Variants in SMAP2 observed in about 807,000 individuals in gnomAD.
SMAP2 encodes the protein small ArfGAP2, also known as stromal membrane-associated protein 2.
A neutral mutation model predicts 56.4 loss-of-function variants in SMAP2; 25 were observed. The ratio of observed to expected loss-of-function variants is 0.44; its 90% CI spans 0.32 to 0.62. SMAP2 has a LOEUF of 0.62. Among genes scored for constraint, SMAP2 ranks in the 20% least tolerant of loss-of-function variants. The pLI is 0.04. For missense variants in SMAP2, 388 were observed against 545.6 expected (o/e 0.71, Z 2.88); for synonymous variants, 157 against 181.7 (o/e 0.86, Z 1.09).
chr1:40,374,658 A>AGGAGGGAAGTGAGATGGCG lies in SMAP2; in HGVS notation c.103+437_103+455dup, dbSNP rs1377507639. ...GAGAGAGAGAATGACGAGGAGGAGG[A>AGGAGGGAAGTGAGATGGCG]GGAGGGAAGTGAGATGGCGGAAAGG... On this transcript the variant is annotated intron_variant, in intron 1 of 9. Coordinates refer to ENST00000372718, the MANE Select transcript of SMAP2 (RefSeq NM_022733.3). The surrounding 1 kb of genome is among the most constrained non-coding windows in gnomAD (Gnocchi z 5.9). 4 of 1,543,556 alleles carry AGGAGGGAAGTGAGATGGCG rather than the reference A, an allele frequency of 2.6e-6. No homozygotes were observed. The South Asian group carries it at 4.8e-5, about 18-fold the overall frequency.
At chr1:40,384,762 T>TA (rs1167931076) in intron 1 of SMAP2, among the ~76,000 whole-genome samples, 1 of 152,210 alleles carries the variant, frequency 6.6e-6, no homozygotes, top group African/African-American at 2.4e-5. Context: ...TGGCAGGTGT[T>TA]ACTATAATTC....
intron 4 of SMAP2, among the ~76,000 whole-genome samples, chr1:40,412,099 C>A (rs1166905995): frequency 1.3e-5 from 2 of 152,166 alleles, no homozygotes; most frequent in Non-Finnish European, 2.9e-5. Context: ...CATTTCCCTT[C>A]TGTGGCATAA....
At chr1:40,350,375 C>T (rs1168664614) in intron 1 of SMAP2, among the ~76,000 whole-genome samples, 3 of 152,076 alleles carry the variant, frequency 2.0e-5, no homozygotes, top group South Asian at 2.1e-4. Flanking sequence ...AAAGCGTGCA[C>T]GAGGAAGAGT....
At chr1:40,372,151 G>C (rs182069544), upstream of SMAP2, among the ~76,000 whole-genome samples, 4 of 152,322 alleles carry the variant, frequency 2.6e-5, no homozygotes, top group Admixed American at 1.3e-4. Flanking sequence ...TAGAGAGCAC[G>C]GTGAAGGATT....
At chr1:40,412,325 G>T (rs1186734972) in intron 4 of SMAP2, among the ~76,000 whole-genome samples, 1 of 152,044 alleles carries the variant, frequency 6.6e-6, no homozygotes, top group East Asian at 1.9e-4. Flanking sequence ...TAAGAGTACT[G>T]GTTTCACTTC....
At chr1:40,420,864 A>G (rs1168773256) in intron 9 of SMAP2, among the ~76,000 whole-genome samples, 2 of 152,214 alleles carry the variant, frequency 1.3e-5, no homozygotes, top group Non-Finnish European at 2.9e-5. Context: ...TGTTAGGGAA[A>G]CTGGTCTAGC....
At chr1:40,382,226 C>G (rs1324439787) in intron 1 of SMAP2, among the ~76,000 whole-genome samples, 1 of 152,104 alleles carries the variant, frequency 6.6e-6, no homozygotes, top group Admixed American at 6.5e-5. Flanking sequence ...TTGTCTGTTT[C>G]TGTTCTTCTG....
intron 1 of SMAP2, chr1:40,393,456 GT>G (rs1557835647): frequency 6.5e-7 from 1 of 1,530,766 alleles, no homozygotes; most frequent in Non-Finnish European, 8.7e-7. Context: ...ACAAAAAGAT[GT>G]TTTGCAAATA....
intron 7 of SMAP2, 148 bp downstream of exon 7, chr1:40,415,529 C>T: frequency 1.5e-6 from 1 of 672,082 alleles, no homozygotes. Flanking sequence ...TGTGTCATTT[C>T]TGTCACAGTC....
chr1:40,353,817 C>G (rs1454072061), intron 1 of SMAP2, among the ~76,000 whole-genome samples: 1 of 151,892 alleles, frequency 6.6e-6, no homozygotes, highest in Non-Finnish European at 1.5e-5. Context: ...TCTTGAACAT[C>G]TGACCTCAAG....
chr1:40,411,385 G>C (rs961865495), intron 4 of SMAP2, among the ~76,000 whole-genome samples: 2 of 152,324 alleles, frequency 1.3e-5, no homozygotes, highest in South Asian at 2.1e-4. Context: ...TATGAACTCA[G>C]ATGAGGTCAG....
chr1:40,412,909 G>C, intron 4 of SMAP2, 107 bp from the exon 5 acceptor site: 1 of 795,208 alleles, frequency 1.3e-6, no homozygotes. Context: ...ACTTACGTCA[G>C]AATCAATAGG....
intron 2 of SMAP2, among the ~76,000 whole-genome samples, chr1:40,407,430 C>T (rs1362084527): frequency 6.6e-6 from 1 of 151,902 alleles, no homozygotes; most frequent in Non-Finnish European, 1.5e-5. Flanking sequence ...GTTGAAGCTG[C>T]GGTTAGTCAT....
intron 4 of SMAP2, among the ~76,000 whole-genome samples, chr1:40,411,768 G>A (rs543342646): frequency 9.2e-5 from 14 of 151,562 alleles, no homozygotes; most frequent in East Asian, 3.9e-4. Context: ...ATGAAATGTC[G>A]TGTTAAAGAC....
chr1:40,358,690 A>T (rs1295553868), intron 1 of SMAP2, among the ~76,000 whole-genome samples: 1 of 152,234 alleles, frequency 6.6e-6, no homozygotes, highest in Non-Finnish European at 1.5e-5. Flanking sequence ...GGAGAAGAAT[A>T]TGTATTCCGC....
At chr1:40,402,472 G>T (rs564042507) in intron 1 of SMAP2, among the ~76,000 whole-genome samples, 1 of 151,154 alleles carries the variant, frequency 6.6e-6, no homozygotes, top group African/African-American at 2.4e-5. Flanking sequence ...TTTTTTTTGA[G>T]ACAAGGTCTC....
intron 6 of SMAP2, among the ~76,000 whole-genome samples, chr1:40,414,460 A>G (rs186061849): frequency 1.4e-4 from 22 of 152,342 alleles, no homozygotes; most frequent in African/African-American, 4.6e-4. Flanking sequence ...GGTTAAGAGC[A>G]TGGCCTTTGG....
At chr1:40,397,567 T>C (rs963671415) in intron 1 of SMAP2, among the ~76,000 whole-genome samples, 5 of 152,176 alleles carry the variant, frequency 3.3e-5, no homozygotes, top group Admixed American at 1.3e-4. Flanking sequence ...AGGAAAAATA[T>C]ATACATTTAT....
At chr1:40,394,100 T>A (rs1644745389) in intron 1 of SMAP2, among the ~76,000 whole-genome samples, 1 of 152,180 alleles carries the variant, frequency 6.6e-6, no homozygotes, top group South Asian at 2.1e-4. Context: ...TTCAAGAATT[T>A]TTTCCTTTAG....
Sources: gnomAD v4.1 joint callset for allele counts (sites outside exome capture counted in the v4.1 genomes callset) on GRCh38, gnomAD v4.1.1 for gene constraint, Gnocchi (gnomAD v3.1) non-coding constraint, MANE v1.5 for transcripts, NCBI Gene and HGNC (gene_info 2026-07-23, HGNC 2026-07-21) for gene names.